NLGN1: variants seen among roughly 807,000 people sequenced by gnomAD.
NLGN1 encodes neuroligin-1.
Under a neutral mutation model 65.5 loss-of-function variants are expected in NLGN1, and 12 were observed. The observed-to-expected ratio is 0.18, with a 90% CI of 0.12 to 0.30. The LOEUF (loss-of-function observed/expected upper bound fraction) is 0.30. NLGN1 is among the 10% of genes least tolerant of loss of function. NLGN1 has a pLI of 1.00. For missense variants in NLGN1, 750 were observed against 1,007.1 expected, an observed-to-expected ratio of 0.74 and a Z score of 3.46; for synonymous variants, 350 against 359.5, an observed-to-expected ratio of 0.97 and a Z score of 0.30.
chr3:173,569,527 A>G (rs1404126612), intron 2 of NLGN1, among the ~76,000 whole-genome samples: 1 of 151,548 alleles, frequency 6.6e-6, no homozygotes, highest in Non-Finnish European at 1.5e-5. Context: ...TAAGAGTAAT[A>G]GGTTAAATTT....
chr3:173,690,191 T>A (rs1157308750), intron 3 of NLGN1, among the ~76,000 whole-genome samples: 1 of 152,196 alleles, frequency 6.6e-6, no homozygotes, highest in Non-Finnish European at 1.5e-5. Flanking sequence ...TGGCGTGGAT[T>A]CAGGTTAGAA....
rs1052622333 is a variant in NLGN1, at chr3:173,541,916, T to C, written c.-320-62363T>C. The stretch of plus-strand genomic sequence containing the variant: ...TGTGGATTTTGTTCATTCTTTTTGC[T>C]GGGCATTTGATGGACCCTATCAACC... On this transcript the variant is annotated intron_variant, in intron 2 of 6. Transcript: ENST00000457714. Among the ~76,000 whole-genome samples, 6 of 152,086 alleles carry C rather than the reference T, an allele frequency of 3.9e-5. 1 individual carries two copies. The highest frequency in any genetic ancestry group is 1.5e-5 in the Non-Finnish European group (1 of 67,972).
intron 4 of NLGN1, among the ~76,000 whole-genome samples, chr3:174,140,274 G>C (rs1260500763): frequency 6.6e-6 from 1 of 151,968 alleles, no homozygotes; most frequent in Non-Finnish European, 1.5e-5. Context: ...ATTTGTTTTA[G>C]ATGTGTTCAT....
chr3:173,519,207 G>A (rs116135885), intron 2 of NLGN1, among the ~76,000 whole-genome samples: 3,629 of 152,324 alleles, frequency 0.024, 56 homozygotes, highest in Middle Eastern at 0.048. Flanking sequence ...GGAAAAGCTG[G>A]AATGTCCAGT....
At chr3:173,771,924 G>A (rs1779653236) in intron 3 of NLGN1, among the ~76,000 whole-genome samples, 1 of 151,862 alleles carries the variant, frequency 6.6e-6, no homozygotes, top group South Asian at 2.1e-4. Flanking sequence ...ACTTTAATAT[G>A]TTGTGGTTAA....
intron 2 of NLGN1, among the ~76,000 whole-genome samples, chr3:173,514,056 T>C (rs916915336): frequency 3.9e-5 from 6 of 152,116 alleles, no homozygotes; most frequent in Non-Finnish European, 8.8e-5. Context: ...TGATATCATG[T>C]TAAGTTACTC....
intron 4 of NLGN1, among the ~76,000 whole-genome samples, chr3:174,046,535 A>G (rs1733645006): frequency 6.6e-6 from 1 of 152,086 alleles, no homozygotes; most frequent in Non-Finnish European, 1.5e-5. Flanking sequence ...TCCAATTACT[A>G]CTTTTATCTG....
chr3:174,187,585 A>G (rs1459855391), intron 4 of NLGN1, among the ~76,000 whole-genome samples: 3 of 152,110 alleles, frequency 2.0e-5, no homozygotes, highest in Non-Finnish European at 4.4e-5. Context: ...TTAGACATAG[A>G]AAATGCAAAG....
intron 4 of NLGN1, among the ~76,000 whole-genome samples, chr3:173,813,623 A>G (rs1460741279): frequency 6.6e-6 from 1 of 152,244 alleles, no homozygotes; most frequent in African/African-American, 2.4e-5. Flanking sequence ...ATGCACACAA[A>G]TAAATAGATT....
chr3:173,980,319 GTTAT>G (rs1226509079), intron 4 of NLGN1, among the ~76,000 whole-genome samples: 7 of 151,558 alleles, frequency 4.6e-5, no homozygotes, highest in Non-Finnish European at 1.0e-4. Flanking sequence ...CATATTTTCC[GTTAT>G]TTAATCATAG....
chr3:173,923,773 G>A (rs1742499455), intron 4 of NLGN1, among the ~76,000 whole-genome samples: 1 of 152,086 alleles, frequency 6.6e-6, no homozygotes, highest in African/African-American at 2.4e-5. Context: ...CCTTTTACAA[G>A]TCAGTTAATT....
At chr3:173,924,062 T>C (rs1175822709) in intron 4 of NLGN1, among the ~76,000 whole-genome samples, 1 of 152,268 alleles carries the variant, frequency 6.6e-6, no homozygotes, top group East Asian at 1.9e-4. Flanking sequence ...CAGCCATGAC[T>C]ACAAAAACTG....
chr3:174,261,622 C>G (rs1388539686), intron 4 of NLGN1, among the ~76,000 whole-genome samples: 1 of 131,744 alleles, frequency 7.6e-6, no homozygotes, highest in Non-Finnish European at 1.6e-5. Flanking sequence ...ACAATCATGT[C>G]GTCTGCAAAC....
chr3:173,618,401 T>C (rs1487613233), intron 3 of NLGN1, among the ~76,000 whole-genome samples: 1 of 152,050 alleles, frequency 6.6e-6, no homozygotes, highest in Non-Finnish European at 1.5e-5. Context: ...CTCCCTAAGT[T>C]GGCCAAGCTG....
intron 4 of NLGN1, among the ~76,000 whole-genome samples, chr3:174,197,531 A>AGGCTTGGGT (rs1733670287): frequency 6.6e-6 from 1 of 151,090 alleles, no homozygotes; most frequent in Admixed American, 6.6e-5. Flanking sequence ...AAAAAAAAAA[A>AGGCTTGGGT]AAAAAAGGAG....
chr3:174,164,034 A>G (rs1727062131), intron 4 of NLGN1, among the ~76,000 whole-genome samples: 1 of 152,040 alleles, frequency 6.6e-6, no homozygotes, highest in East Asian at 1.9e-4. Context: ...AGCTGAACTA[A>G]TTTACATTCC....
At chr3:173,695,642 CT>C in intron 3 of NLGN1, 2 of 238,952 alleles carry the variant, frequency 8.4e-6, no homozygotes, top group Admixed American at 4.9e-5. Context: ...CTTTAAAAAT[CT>C]TATACTGTGG....
At chr3:174,088,582 G>A (rs1020379398) in intron 4 of NLGN1, among the ~76,000 whole-genome samples, 5 of 151,796 alleles carry the variant, frequency 3.3e-5, no homozygotes, top group Admixed American at 6.6e-5. Context: ...GTGAAACCCC[G>A]TCTCTACTAA....
chr3:174,063,735 A>AG (rs1242063603), intron 4 of NLGN1, among the ~76,000 whole-genome samples: 2 of 152,162 alleles, frequency 1.3e-5, no homozygotes, highest in Non-Finnish European at 2.9e-5. Flanking sequence ...AGAGAGAAAA[A>AG]GGATGTTGTA....
Sources: gnomAD v4.1 joint callset for allele counts (sites outside exome capture counted in the v4.1 genomes callset) on GRCh38, gnomAD v4.1.1 for gene constraint, MANE v1.5 for transcripts, NCBI Gene and HGNC (gene_info 2026-07-23, HGNC 2026-07-21) for gene names.